HS3ST2: variants seen among roughly 807,000 people sequenced by gnomAD.
HS3ST2 encodes heparan sulfate-glucosamine 3-sulfotransferase 2, also known as heparan sulfate glucosamine 3-O-sulfotransferase 2.
In HS3ST2, 17 loss-of-function variants were observed where a neutral mutation model predicts 26.3. That is an observed-to-expected ratio of 0.65 (90% CI 0.44 to 0.97). The LOEUF (loss-of-function observed/expected upper bound fraction) is 0.97. HS3ST2 is among the 50% of genes least tolerant of loss of function. The probability of loss-of-function intolerance (pLI) is 0.00; values close to 1 mark genes in which losing one functional copy is unlikely to be tolerated. For synonymous variants in HS3ST2, 237 were observed against 219.2 expected (o/e 1.08, Z -0.72); for missense variants, 402 against 501.2 (o/e 0.80, Z 1.89).
chr16:22,830,357 G>T (rs1479096341), intron 1 of HS3ST2, among the ~76,000 whole-genome samples: 2 of 152,160 alleles, frequency 1.3e-5, no homozygotes, highest in Non-Finnish European at 2.9e-5. Context: ...TGTAGATGAA[G>T]TCTAACCTGG....
At chr16:22,849,990 G>A (rs1901495685) in intron 1 of HS3ST2, among the ~76,000 whole-genome samples, 1 of 152,098 alleles carries the variant, frequency 6.6e-6, no homozygotes, top group African/African-American at 2.4e-5. Flanking sequence ...CCGCTCCTGG[G>A]GCTGGGTATG....
chr16:22,887,462 G>A (rs1902075173), intron 1 of HS3ST2, among the ~76,000 whole-genome samples: 1 of 152,052 alleles, frequency 6.6e-6, no homozygotes, highest in Non-Finnish European at 1.5e-5. Context: ...CCATTTGCTG[G>A]GCTCTGTCTC....
chr16:22,915,184 C>A lies in HS3ST2; in HGVS notation c.726C>A (p.Asp242Glu). The change falls in exon 2 of 2, where the codon GAC becomes GAA. Residue 242 changes from aspartate (D) to glutamate (E), a missense_variant. Asp to Glu is a conservative substitution (Grantham distance 45). This residue lies in a region of HS3ST2 where 237 missense variants were observed against 346.6 expected (regional missense o/e 0.68). Coordinates refer to ENST00000261374, the MANE Select transcript of HS3ST2 (RefSeq NM_006043.2). ...GCAACCGCACCCTGGGCCTGGTGGA[C>A]GTGTCATGGAACGCCATCCGCATCG... ...SFRNRTLGLV[D>E]VSWNAIRIGM... 1 of 1,614,112 alleles carries A rather than the reference C, an allele frequency of 6.2e-7. No homozygotes were observed. The highest frequency in any genetic ancestry group is 8.5e-7 in the Non-Finnish European group (1 of 1,180,032).
At chr16:22,891,852 T>G (rs1337943741) in intron 1 of HS3ST2, among the ~76,000 whole-genome samples, 1 of 152,170 alleles carries the variant, frequency 6.6e-6, no homozygotes, top group Non-Finnish European at 1.5e-5. Flanking sequence ...TTGGCTGAAA[T>G]GGACTCTACC....
At chr16:22,900,484 C>T (rs567109032) in intron 1 of HS3ST2, among the ~76,000 whole-genome samples, 1 of 152,064 alleles carries the variant, frequency 6.6e-6, no homozygotes. Flanking sequence ...TGTGGTGGGT[C>T]CTGAGCTGGC....
chr16:22,826,155 G>A (rs1901082620), intron 1 of HS3ST2, among the ~76,000 whole-genome samples: 1 of 152,218 alleles, frequency 6.6e-6, no homozygotes, highest in South Asian at 2.1e-4. Flanking sequence ...CTTTTAAAGA[G>A]AAGAAGGTAC....
intron 1 of HS3ST2, among the ~76,000 whole-genome samples, chr16:22,903,739 C>G (rs1347242618): frequency 6.6e-6 from 1 of 152,140 alleles, no homozygotes; most frequent in Non-Finnish European, 1.5e-5. Flanking sequence ...GTAGTCTCCA[C>G]TTGTCACACA....
intron 1 of HS3ST2, among the ~76,000 whole-genome samples, chr16:22,888,172 C>G (rs1902086556): frequency 6.6e-6 from 1 of 152,094 alleles, no homozygotes; most frequent in South Asian, 2.1e-4. Flanking sequence ...CTTCCAAATA[C>G]ATTTATTGAA....
chr16:22,819,996 G>C (rs1202259502), intron 1 of HS3ST2, among the ~76,000 whole-genome samples: 1 of 152,236 alleles, frequency 6.6e-6, no homozygotes, highest in Non-Finnish European at 1.5e-5. Flanking sequence ...AAAACAGACT[G>C]ATCTGTGCTC....
At chr16:22,885,400 G>A (rs1555513968) in intron 1 of HS3ST2, among the ~76,000 whole-genome samples, 1 of 151,370 alleles carries the variant, frequency 6.6e-6, no homozygotes, top group Non-Finnish European at 1.5e-5. Context: ...CTCTCTGCTA[G>A]AGGACCTCAC....
At chr16:22,910,429 T>TA (rs1200592991) in intron 1 of HS3ST2, among the ~76,000 whole-genome samples, 1 of 152,184 alleles carries the variant, frequency 6.6e-6, no homozygotes, top group Non-Finnish European at 1.5e-5. Context: ...ATTCCTGTCA[T>TA]ACAGGCCAAC....
chr16:22,855,702 C>CTG (rs925468201), intron 1 of HS3ST2, among the ~76,000 whole-genome samples: 4 of 149,762 alleles, frequency 2.7e-5, no homozygotes, highest in African/African-American at 7.3e-5. Context: ...CTCTGTCTCT[C>CTG]TCTCTCTCTC....
rs750424539 is a variant in HS3ST2 at position 22,814,718 on chromosome 16, C to T, written c.108C>T (p.Ser36=). The T allele has an allele frequency of 3.7e-6, 6 of 1,609,372 alleles. No individual in the cohort carries two copies. The South Asian group carries it at 6.6e-5, about 18-fold the overall frequency. ...TCTCCTGCACTTACCTGTGTTACAG[C>T]TTCCTGTGCTGCTGCGACGACCTGG... ...LSLSCTYLCY[S]FLCCCDDLGR... is the part of the protein sequence containing the mutation. The change falls in exon 1 of 2, where the codon AGC becomes AGT. Residue 36 remains serine, a synonymous_variant. Coordinates refer to ENST00000261374, the MANE Select transcript of HS3ST2 (RefSeq NM_006043.2).
chr16:22,875,556 T>C (rs1303399051), intron 1 of HS3ST2, among the ~76,000 whole-genome samples: 1 of 152,130 alleles, frequency 6.6e-6, no homozygotes, highest in Non-Finnish European at 1.5e-5. Context: ...AATTTTTTTG[T>C]ATTTCTAGTA....
chr16:22,902,735 C>T (rs746135497), intron 1 of HS3ST2, among the ~76,000 whole-genome samples: 6 of 152,046 alleles, frequency 3.9e-5, no homozygotes, highest in Admixed American at 6.5e-5. Context: ...TTTTTCCAGC[C>T]TTACAGGTGA....
At chr16:22,870,249 C>A (rs1164601953) in intron 1 of HS3ST2, among the ~76,000 whole-genome samples, 1 of 152,146 alleles carries the variant, frequency 6.6e-6, no homozygotes, top group East Asian at 1.9e-4. Flanking sequence ...CCCCTGAAGC[C>A]CACCCAGAAA....
At position 22,906,876 on chromosome 16, in the gene HS3ST2, T is replaced by C. The variant is rs115191167; in HGVS notation, c.486-8068T>C. Among the ~76,000 whole-genome samples, 1,182 of 152,278 alleles carry C rather than the reference T, an allele frequency of 7.8e-3. 19 individuals are homozygous for C. The highest frequency in any genetic ancestry group is 0.027 in the African/African-American group (1,137 of 41,556). ...TGATCCATTTACTGAGCACCTATGG[T>C]ATGCCAGGTATGATGTGAGGGAGGG... On this transcript the variant is annotated intron_variant, in intron 1 of 1. Coordinates refer to ENST00000261374, the MANE Select transcript of HS3ST2 (RefSeq NM_006043.2).
At chr16:22,824,192 T>C (rs1901045911) in intron 1 of HS3ST2, among the ~76,000 whole-genome samples, 1 of 152,246 alleles carries the variant, frequency 6.6e-6, no homozygotes, top group African/African-American at 2.4e-5. Context: ...ACGTCCCTTT[T>C]GTAAAATCTC....
At position 22,833,930 on chromosome 16, in the gene HS3ST2, A is replaced by AAAAAC. The variant is rs930438806; in HGVS notation, c.485+18860_485+18864dup. On this transcript the variant is annotated intron_variant, in intron 1 of 1. Coordinates refer to ENST00000261374, the MANE Select transcript of HS3ST2 (RefSeq NM_006043.2). ...TTCTCAAGATATATTGTTCAGCTAA[A>AAAAAC]AAAACAAAACAAAACAAAACAAAAC... is the stretch of plus-strand genomic sequence containing the variant. Among the ~76,000 whole-genome samples the AAAAAC allele has an allele frequency of 9.0e-4, 137 of 152,176 alleles. 2 individuals carry two copies. The highest frequency in any genetic ancestry group is 2.8e-3 in the African/African-American group (116 of 41,476).
Sources: allele counts gnomAD v4.1 joint callset (sites outside exome capture counted in the v4.1 genomes callset), GRCh38; gene constraint gnomAD v4.1.1; regional missense constraint gnomAD v4.1.1; transcripts MANE v1.5; gene names NCBI Gene and HGNC (gene_info 2026-07-23, HGNC 2026-07-21).